The following CTNNA3 variants were observed in gnomAD, a reference collection of about 807,000 sequenced individuals.
CTNNA3 encodes catenin alpha 3.
In CTNNA3, 76 loss-of-function variants were observed where a neutral mutation model predicts 95.7. The ratio of observed to expected loss-of-function variants is 0.79; its 90% CI spans 0.66 to 0.96. The LOEUF (loss-of-function observed/expected upper bound fraction) is 0.96. Among genes scored for constraint, CTNNA3 ranks in the 40% least tolerant of loss-of-function variants. The probability of loss-of-function intolerance (pLI) is 0.00; values close to 1 mark genes in which losing one functional copy is unlikely to be tolerated. For missense variants in CTNNA3, 1,191 were observed against 1,089.8 expected (o/e 1.09, Z -1.31); for synonymous variants, 431 against 374.4 (o/e 1.15, Z -1.74).
intron 7 of CTNNA3, among the ~76,000 whole-genome samples, chr10:66,847,447 G>A (rs2132369403): frequency 6.6e-6 from 1 of 152,192 alleles, no homozygotes; most frequent in South Asian, 2.1e-4. Flanking sequence ...ACTATCTTGA[G>A]GTATATAAAT....
chr10:67,237,120 G>GTTTATATA (rs1491319724), intron 5 of CTNNA3, among the ~76,000 whole-genome samples: 1 of 15,660 alleles, frequency 6.4e-5, no homozygotes, highest in African/African-American at 3.6e-4. Flanking sequence ...AGAAACTATG[G>GTTTATATA]TGTATGTATA....
At chr10:66,563,025 C>A (rs2132139369) in intron 10 of CTNNA3, among the ~76,000 whole-genome samples, 1 of 152,180 alleles carries the variant, frequency 6.6e-6, no homozygotes, top group Non-Finnish European at 1.5e-5. Context: ...TCATCAATTC[C>A]TATTGCTTTT....
intron 9 of CTNNA3, among the ~76,000 whole-genome samples, chr10:66,670,894 A>T (rs1846636336): frequency 6.6e-6 from 1 of 152,180 alleles, no homozygotes; most frequent in South Asian, 2.1e-4. Flanking sequence ...ACATTTCTCT[A>T]AATGAAGCAT....
intron 7 of CTNNA3, among the ~76,000 whole-genome samples, chr10:66,845,717 A>AAC (rs1447990406): frequency 6.9e-5 from 9 of 130,672 alleles, no homozygotes; most frequent in East Asian, 2.1e-4. Context: ...AAAAAAAAAA[A>AAC]AAAAAAAAAA....
chr10:65,921,923 A>G (rs1296057441), intron 17 of CTNNA3, among the ~76,000 whole-genome samples: 3 of 152,168 alleles, frequency 2.0e-5, no homozygotes, highest in African/African-American at 4.8e-5. Context: ...GCTTAAAATA[A>G]TTGCTAATAT....
intron 7 of CTNNA3, among the ~76,000 whole-genome samples, chr10:67,157,105 T>C (rs1445933284): frequency 6.6e-6 from 1 of 152,112 alleles, no homozygotes; most frequent in Admixed American, 6.6e-5. Flanking sequence ...GTTAGAGCAA[T>C]TAGGCAAGAA....
At chr10:66,436,518 TTTTTTTTTGC>T (rs2093339032) in intron 11 of CTNNA3, among the ~76,000 whole-genome samples, 1 of 138,674 alleles carries the variant, frequency 7.2e-6, no homozygotes, top group African/African-American at 2.9e-5. Flanking sequence ...TTTTTTTTTT[TTTTTTTTTGC>T]TTTCTATTTG....
chr10:66,843,053 C>T (rs961484080), intron 7 of CTNNA3, among the ~76,000 whole-genome samples: 1 of 152,130 alleles, frequency 6.6e-6, no homozygotes, highest in Non-Finnish European at 1.5e-5. Flanking sequence ...AGAACTCTCT[C>T]CCCTAGACAG....
intron 12 of CTNNA3, among the ~76,000 whole-genome samples, chr10:66,327,876 A>T (rs536943909): frequency 2.7e-4 from 41 of 152,174 alleles, no homozygotes; most frequent in Non-Finnish European, 5.4e-4. Context: ...ACCTTGCATT[A>T]TAACTAAGAT....
chr10:67,319,368 T>A (rs1841209889), intron 5 of CTNNA3, among the ~76,000 whole-genome samples: 2 of 152,158 alleles, frequency 1.3e-5, no homozygotes, highest in African/African-American at 4.8e-5. Context: ...TCCTAGCAAG[T>A]CATAGGGACC....
intron 9 of CTNNA3, among the ~76,000 whole-genome samples, chr10:66,631,178 T>G (rs985727253): frequency 2.6e-5 from 4 of 152,172 alleles, no homozygotes; most frequent in African/African-American, 9.7e-5. Flanking sequence ...GTCTCTGATA[T>G]TAGTTTTGCT....
At chr10:67,109,913 A>G (rs1042116393) in intron 7 of CTNNA3, among the ~76,000 whole-genome samples, 12 of 152,228 alleles carry the variant, frequency 7.9e-5, no homozygotes, top group African/African-American at 2.9e-4. Flanking sequence ...ATTAACTCGA[A>G]GAAAGTTATC....
intron 9 of CTNNA3, among the ~76,000 whole-genome samples, chr10:66,725,242 T>C (rs1848744531): frequency 6.6e-6 from 1 of 152,132 alleles, no homozygotes; most frequent in African/African-American, 2.4e-5. Context: ...AACCCATAGA[T>C]ACTAAGGGCC....
chr10:67,296,362 A>C (rs902646394), intron 5 of CTNNA3, among the ~76,000 whole-genome samples: 2 of 152,208 alleles, frequency 1.3e-5, no homozygotes, highest in Admixed American at 6.5e-5. Flanking sequence ...ATATACATAC[A>C]GTAAACCCAG....
intron 2 of CTNNA3, among the ~76,000 whole-genome samples, chr10:67,635,114 GAA>G (rs1296484733): frequency 1.3e-5 from 2 of 151,850 alleles, no homozygotes; most frequent in African/African-American, 4.8e-5. Context: ...TCCCAAGACT[GAA>G]CCAGGAAAAA....
chr10:66,784,224 T>C (rs1257350004), intron 7 of CTNNA3, among the ~76,000 whole-genome samples: 1 of 152,204 alleles, frequency 6.6e-6, no homozygotes, highest in Non-Finnish European at 1.5e-5. Flanking sequence ...AAGAGTTTCA[T>C]ATTCTAAAGC....
intron 4 of CTNNA3, among the ~76,000 whole-genome samples, chr10:67,525,057 T>C (rs1343902106): frequency 1.3e-5 from 2 of 152,162 alleles, no homozygotes; most frequent in African/African-American, 4.8e-5. Flanking sequence ...ATTGAAGAGA[T>C]TTTTAATACT....
chr10:66,825,184 TA>T lies in CTNNA3; in HGVS notation c.1048-49661del, dbSNP rs571100407. Reference sequence around the variant, plus strand: ...TTGACATATAGTGTAAAATAGCATATATTTTTTAAAAATACATATATATTTT... The same window carrying T: ...TTGACATATAGTGTAAAATAGCATATTTTTTTAAAAATACATATATATTTT... On this transcript the variant is annotated intron_variant, in intron 7 of 17. Transcript: ENST00000433211. Among the ~76,000 whole-genome samples, 359 of 148,702 alleles carry T rather than the reference TA, an allele frequency of 2.4e-3. 2 individuals carry two copies. The highest frequency in any genetic ancestry group is 8.3e-3 in the African/African-American group (339 of 40,882).
chr10:66,835,988 G>GA lies in CTNNA3; in HGVS notation c.1048-60465dup, dbSNP rs150151947. 1.2e-3 allele frequency among the ~76,000 whole-genome samples: 170 copies of GA among 145,954 alleles called. 1 individual carries two copies. The highest frequency in any genetic ancestry group is 3.4e-3 in the African/African-American group (135 of 39,836). On this transcript the variant is annotated intron_variant, in intron 7 of 17. Coordinates refer to ENST00000433211, the MANE Select transcript of CTNNA3 (RefSeq NM_013266.4). ...ACATTTTGACAACACCTGTACTAGA[G>GA]AAAAAAAAAACAATTAAATTAATTT... is the stretch of plus-strand genomic sequence containing the variant.
Sources: allele counts gnomAD v4.1 joint callset (sites outside exome capture counted in the v4.1 genomes callset), GRCh38; gene constraint gnomAD v4.1.1; transcripts MANE v1.5; gene names NCBI Gene and HGNC (gene_info 2026-07-23, HGNC 2026-07-21).